WASHC3: variants seen among roughly 807,000 people sequenced by gnomAD.
WASHC3 encodes the protein WASH complex subunit 3.
Under a neutral mutation model 26.1 loss-of-function variants are expected in WASHC3, and 24 were observed. The ratio of observed to expected loss-of-function variants is 0.92; its 90% confidence interval spans 0.66 to 1.29. WASHC3 has a LOEUF of 1.29. Among genes scored for constraint, WASHC3 ranks in the 50% most tolerant of loss-of-function variants. The pLI is 0.00. For missense variants in WASHC3, 214 were observed against 229.6 expected (o/e 0.93, Z 0.44); for synonymous variants, 77 against 75.7 (o/e 1.02, Z -0.09).
intron 4 of WASHC3, 165 bp from the exon 5 acceptor site, chr12:102,040,143 A>G (rs1309369270): frequency 2.7e-6 from 1 of 368,690 alleles, no homozygotes; most frequent in Non-Finnish European, 4.9e-6. Flanking sequence ...ATGTTTCCAA[A>G]TATCTACAAA....
chr12:102,037,147 A>C (rs1312009550), intron 5 of WASHC3, among the ~76,000 whole-genome samples: 2 of 152,190 alleles, frequency 1.3e-5, no homozygotes, highest in Non-Finnish European at 2.9e-5. Flanking sequence ...CAAACCACTG[A>C]GTTAGTGTGA....
chr12:102,054,603 A>G (rs1278201047), intron 2 of WASHC3, among the ~76,000 whole-genome samples: 2 of 152,204 alleles, frequency 1.3e-5, no homozygotes, highest in Non-Finnish European at 2.9e-5. Flanking sequence ...TAAAACAGCA[A>G]CAGAATACAC....
chr12:102,042,053 GTA>G lies in WASHC3; in HGVS notation c.324+2050_324+2051del, dbSNP rs377277031. Among the ~76,000 whole-genome samples, 594 of 152,094 alleles carry G rather than the reference GTA, an allele frequency of 3.9e-3. 6 individuals are homozygous for G. The highest frequency in any genetic ancestry group is 0.011 in the South Asian group (51 of 4,822). ...AAAATTAATAATCAAAGTTAGACAGGTATACTTAAAAATCTTACAGAAATATA... is the reference window on the plus strand; with the variant it reads ...AAAATTAATAATCAAAGTTAGACAGGTACTTAAAAATCTTACAGAAATATA... On this transcript the variant is annotated intron_variant, in intron 4 of 6. Transcript: ENST00000240079.
At chr12:102,060,880 G>C (rs1208386557) in intron 2 of WASHC3, among the ~76,000 whole-genome samples, 1 of 150,036 alleles carries the variant, frequency 6.7e-6, no homozygotes, top group Non-Finnish European at 1.5e-5. Context: ...GCTTGAACCC[G>C]GGAGGTGGAG....
chr12:102,042,823 T>C (rs1877997156), intron 4 of WASHC3, among the ~76,000 whole-genome samples: 1 of 152,240 alleles, frequency 6.6e-6, no homozygotes, highest in Non-Finnish European at 1.5e-5. Flanking sequence ...TTGTTTATTA[T>C]TATTACTTTG....
chr12:102,018,286 T>C (rs1208466331), intron 6 of WASHC3, among the ~76,000 whole-genome samples: 1 of 152,226 alleles, frequency 6.6e-6, no homozygotes, highest in African/African-American at 2.4e-5. Context: ...TATACAAATA[T>C]CTCTTTGAGA....
chr12:102,019,455 C>G (rs915872283), intron 6 of WASHC3: 17 of 284,358 alleles, frequency 6.0e-5, no homozygotes, highest in Middle Eastern at 8.1e-4. Flanking sequence ...TAGCTTCTCC[C>G]AATTCAAAGA....
At chr12:102,026,969 C>T (rs1877221027) in intron 5 of WASHC3, among the ~76,000 whole-genome samples, 1 of 152,144 alleles carries the variant, frequency 6.6e-6, no homozygotes, top group African/African-American at 2.4e-5. Flanking sequence ...CAGGAAAAAG[C>T]CCAATCACCT....
At chr12:102,061,614 G>A (rs1011100440) in intron 1 of WASHC3, among the ~76,000 whole-genome samples, 2 of 152,206 alleles carry the variant, frequency 1.3e-5, no homozygotes, top group Non-Finnish European at 2.9e-5. Flanking sequence ...CAAAATCTTG[G>A]GGGCTGAATA....
At chr12:102,061,016 A>C (rs1006048052) in intron 2 of WASHC3, among the ~76,000 whole-genome samples, 2 of 151,910 alleles carry the variant, frequency 1.3e-5, no homozygotes, top group Non-Finnish European at 2.9e-5. Flanking sequence ...AATCGCAATA[A>C]GCCTGACTGA....
chr12:102,050,379 A>C, intron 2 of WASHC3: 1 of 420,026 alleles, frequency 2.4e-6, no homozygotes, highest in South Asian at 1.8e-5. Context: ...AGCACTTGGG[A>C]GGCCGAGGCC....
At chr12:102,060,736 G>T (rs140616960) in intron 2 of WASHC3, among the ~76,000 whole-genome samples, 1 of 151,936 alleles carries the variant, frequency 6.6e-6, no homozygotes, top group African/African-American at 2.4e-5. Flanking sequence ...CTAGTGGATC[G>T]CCCAAGGTCA....
chr12:102,040,167 T>C (rs1162239940), intron 4 of WASHC3, 189 bp from the exon 5 acceptor site: 2 of 339,600 alleles, frequency 5.9e-6, no homozygotes, highest in Admixed American at 4.4e-5. Flanking sequence ...TTAAATATCA[T>C]TTCAGAGAAG....
At chr12:102,040,203 C>A (rs1458305311) in intron 4 of WASHC3, 1 of 257,182 alleles carries the variant, frequency 3.9e-6, no homozygotes, top group Non-Finnish European at 7.3e-6. Flanking sequence ...TATATTGGTT[C>A]CTTAAAATGC....
chr12:102,017,995 C>T (rs1340327544), intron 6 of WASHC3, among the ~76,000 whole-genome samples: 2 of 152,166 alleles, frequency 1.3e-5, no homozygotes, highest in Admixed American at 6.5e-5. Context: ...TGCTGACAAC[C>T]ACTATTCTTT....
At chr12:102,018,956 C>A (rs975706909) in intron 6 of WASHC3, among the ~76,000 whole-genome samples, 1 of 146,226 alleles carries the variant, frequency 6.8e-6, no homozygotes, top group Non-Finnish European at 1.5e-5. Flanking sequence ...TGCCACCACA[C>A]CCAGATAATT....
chr12:102,044,268 C>A, intron 3 of WASHC3, 56 bp from the exon 4 acceptor site: 1 of 798,656 alleles, frequency 1.3e-6, no homozygotes, highest in Non-Finnish European at 2.0e-6. Context: ...TAAATAAACA[C>A]TATTTTTAAT....
intron 5 of WASHC3, among the ~76,000 whole-genome samples, chr12:102,034,503 T>C (rs1282224369): frequency 6.6e-6 from 1 of 152,160 alleles, no homozygotes; most frequent in Admixed American, 6.5e-5. Flanking sequence ...TGCTGAAGAA[T>C]AATATTTTAG....
intron 2 of WASHC3, among the ~76,000 whole-genome samples, chr12:102,053,897 CTTG>C (rs923469169): frequency 2.0e-4 from 31 of 152,210 alleles, no homozygotes; most frequent in Admixed American, 1.4e-3. Flanking sequence ...GCTACAATAA[CTTG>C]TTAAGGGATA....
Sources: allele counts gnomAD v4.1 joint callset (sites outside exome capture counted in the v4.1 genomes callset), GRCh38; gene constraint gnomAD v4.1.1; transcripts MANE v1.5; gene names NCBI Gene and HGNC (gene_info 2026-07-23, HGNC 2026-07-21).